TJP1: variants seen among roughly 807,000 people sequenced by gnomAD.
TJP1 encodes tight junction protein ZO-1.
TJP1 carries 43 observed loss-of-function variants against 194.2 expected under a neutral mutation model. The ratio of observed to expected loss-of-function variants is 0.22; its 90% CI spans 0.17 to 0.29. The LOEUF (loss-of-function observed/expected upper bound fraction) is 0.29. Ranked by LOEUF, TJP1 falls within the 10% of genes least tolerant of loss-of-function variation. TJP1 has a pLI of 1.00. For missense variants in TJP1, 1,971 were observed against 2,185.7 expected (o/e 0.90, Z 1.96); for synonymous variants, 801 against 779.0 (o/e 1.03, Z -0.47).
At chr15:29,821,471 G>A (rs1372804698) in intron 1 of TJP1, 1 of 152,242 alleles carries the variant, frequency 6.6e-6, no homozygotes, top group Non-Finnish European at 1.5e-5. Context: ...CTCACAGGCT[G>A]AGTGGAGTGT....
rs145086594 is a variant in TJP1 at position 29,779,942 on chromosome 15, A to AAAAC, written c.85-6589_85-6586dup. The stretch of plus-strand genomic sequence containing the variant: ...TAGCATGTGAACGAAGCCATATTCT[A>AAAAC]AAACAAACAAACAAACAAACAAACA... On this transcript the variant is annotated intron_variant, in intron 2 of 27. Transcript: ENST00000614355. Among the ~76,000 whole-genome samples, 332 of 151,484 alleles carry AAAAC rather than the reference A, an allele frequency of 2.2e-3. 1 individual carries two copies. The highest frequency in any genetic ancestry group is 6.1e-3 in the African/African-American group (253 of 41,424).
At chr15:29,715,474 T>C (rs896961048) in intron 23 of TJP1, among the ~76,000 whole-genome samples, 3 of 152,230 alleles carry the variant, frequency 2.0e-5, no homozygotes, top group African/African-American at 7.2e-5. Context: ...TTAATGTTAG[T>C]GGTTTTAAAG....
At chr15:29,775,730 T>C (rs2046975300) in intron 2 of TJP1, among the ~76,000 whole-genome samples, 1 of 152,098 alleles carries the variant, frequency 6.6e-6, no homozygotes, top group Non-Finnish European at 1.5e-5. Flanking sequence ...AAATGACTAT[T>C]AGAACAGCAT....
At chr15:29,823,612 G>C (rs114594524), upstream of TJP1, 199 of 152,306 alleles carry the variant, frequency 1.3e-3, no homozygotes, top group African/African-American at 4.6e-3. Flanking sequence ...TGATACATAA[G>C]TATCAATTAA....
intron 2 of TJP1, among the ~76,000 whole-genome samples, chr15:29,938,927 G>A (rs1357849072): frequency 1.3e-5 from 2 of 152,226 alleles, no homozygotes; most frequent in Non-Finnish European, 2.9e-5. Context: ...TGCACAGCTG[G>A]CCAGCTTGCC....
intron 2 of TJP1, among the ~76,000 whole-genome samples, chr15:29,917,225 G>C (rs1189405310): frequency 6.6e-6 from 1 of 152,184 alleles, no homozygotes. Flanking sequence ...CTAGGTGGTG[G>C]CTGCACTGAT....
intron 2 of TJP1, among the ~76,000 whole-genome samples, chr15:29,863,588 G>A (rs763566110): frequency 2.6e-5 from 4 of 152,094 alleles, no homozygotes; most frequent in Non-Finnish European, 4.4e-5. Flanking sequence ...CCAGGCAGAG[G>A]CACCCATTTA....
chr15:29,958,436 G>A (rs1450802449), intron 1 of TJP1, among the ~76,000 whole-genome samples: 3 of 151,760 alleles, frequency 2.0e-5, no homozygotes, highest in African/African-American at 7.3e-5. Flanking sequence ...CATATGTTTA[G>A]ATCTATTCCT....
At chr15:29,896,952 A>G (rs2053496007) in intron 2 of TJP1, among the ~76,000 whole-genome samples, 1 of 152,130 alleles carries the variant, frequency 6.6e-6, no homozygotes, top group African/African-American at 2.4e-5. Flanking sequence ...ATTTCAGAAA[A>G]TTTGCAGCCT....
chr15:29,932,302 G>A (rs2054744142), intron 2 of TJP1, among the ~76,000 whole-genome samples: 1 of 152,144 alleles, frequency 6.6e-6, no homozygotes, highest in Non-Finnish European at 1.5e-5. Flanking sequence ...AACAGACCAA[G>A]GGAAAATAAG....
chr15:29,826,734 ACAGT>A (rs1363731547), upstream of TJP1, among the ~76,000 whole-genome samples: 5 of 152,144 alleles, frequency 3.3e-5, no homozygotes, highest in Admixed American at 2.0e-4. Flanking sequence ...CATCTTAAAC[ACAGT>A]CAGGGCTCCC....
intron 1 of TJP1, among the ~76,000 whole-genome samples, chr15:29,964,068 T>C (rs1003243796): frequency 2.6e-5 from 4 of 152,250 alleles, no homozygotes; most frequent in African/African-American, 7.2e-5. Context: ...TTGTGCCTCA[T>C]ACCTGCAGAA....
At chr15:29,835,309 AT>A (rs1402379010) in intron 2 of TJP1, among the ~76,000 whole-genome samples, 7 of 152,238 alleles carry the variant, frequency 4.6e-5, no homozygotes, top group African/African-American at 1.7e-4. Context: ...CGGAGTGCAT[AT>A]TATATGAAAA....
intron 26 of TJP1, 43 bp from the exon 27 acceptor site, chr15:29,704,348 C>T (rs2041756175): frequency 2.6e-6 from 4 of 1,540,586 alleles, no homozygotes; most frequent in Non-Finnish European, 3.5e-6. Flanking sequence ...TGGATGTGGT[C>T]TTTCTTCTAG....
At chr15:29,822,751 A>G (rs1332026473), upstream of TJP1, 2 of 152,702 alleles carry the variant, frequency 1.3e-5, no homozygotes, top group Admixed American at 6.5e-5. Context: ...GCTTTCCTTA[A>G]GAGACTTGTC....
At chr15:29,871,487 A>C (rs2052519305) in intron 2 of TJP1, among the ~76,000 whole-genome samples, 1 of 152,216 alleles carries the variant, frequency 6.6e-6, no homozygotes, top group South Asian at 2.1e-4. Context: ...TGGCTTTCTG[A>C]GACTTGCTCA....
intron 2 of TJP1, among the ~76,000 whole-genome samples, chr15:29,949,499 ACAACCACCACCTCCACCTCCAC>A (rs2055491899): frequency 1.5e-5 from 1 of 67,904 alleles, no homozygotes; most frequent in African/African-American, 5.9e-5. Flanking sequence ...CTCCACCTCC[ACAACCACCACCTCCACCTCCAC>A]CACCACCACC....
At chr15:29,919,514 C>T (rs1024808057) in intron 2 of TJP1, among the ~76,000 whole-genome samples, 3 of 151,978 alleles carry the variant, frequency 2.0e-5, no homozygotes, top group Non-Finnish European at 2.9e-5. Flanking sequence ...GGGAGAGGGA[C>T]GATAAACAAA....
At chr15:29,851,264 CAT>C (rs938954829) in intron 2 of TJP1, among the ~76,000 whole-genome samples, 2 of 151,824 alleles carry the variant, frequency 1.3e-5, no homozygotes, top group African/African-American at 2.4e-5. Context: ...AGCAAGGAAA[CAT>C]AAAAAATATT....
Sources: allele counts gnomAD v4.1 joint callset (sites outside exome capture counted in the v4.1 genomes callset), GRCh38; gene constraint gnomAD v4.1.1; transcripts MANE v1.5; gene names NCBI Gene and HGNC (gene_info 2026-07-23, HGNC 2026-07-21).